Variants in EYA4 observed in about 807,000 individuals in gnomAD.
EYA4 encodes EYA transcriptional coactivator and phosphatase 4.
In EYA4, 31 loss-of-function variants were observed where a neutral mutation model predicts 87.9. That is an observed-to-expected ratio of 0.35 (90% CI 0.27 to 0.48). The LOEUF is 0.48. EYA4 is among the 20% of genes least tolerant of loss of function. The pLI is 0.99. For missense variants in EYA4, 678 were observed against 761.4 expected, an observed-to-expected ratio of 0.89 and a Z score of 1.29; for synonymous variants, 263 against 270.6, an observed-to-expected ratio of 0.97 and a Z score of 0.28.
At chr6:133,330,107 A>T (rs182895594) in intron 2 of EYA4, among the ~76,000 whole-genome samples, 417 of 152,244 alleles carry the variant, frequency 2.7e-3, no homozygotes, top group Non-Finnish European at 4.6e-3. Flanking sequence ...ATCTATAAGA[A>T]CTTACTAATT....
chr6:133,409,972 T>C (rs967857208), intron 3 of EYA4, among the ~76,000 whole-genome samples: 1 of 152,186 alleles, frequency 6.6e-6, no homozygotes, highest in Non-Finnish European at 1.5e-5. Flanking sequence ...AAAATTTCTG[T>C]TCCCTTCTTC....
intron 1 of EYA4, among the ~76,000 whole-genome samples, chr6:133,254,027 C>T (rs752429686): frequency 2.6e-5 from 4 of 152,140 alleles, no homozygotes; most frequent in Non-Finnish European, 5.9e-5. Context: ...TTCTCTTTTG[C>T]TTGTGGTCAT....
chr6:133,426,260 G>A (rs896140870), intron 3 of EYA4, among the ~76,000 whole-genome samples: 2 of 152,198 alleles, frequency 1.3e-5, no homozygotes, highest in Non-Finnish European at 2.9e-5. Flanking sequence ...ACAAGTACAA[G>A]AGCAGTTACC....
chr6:133,490,444 C>T (rs1038547422), intron 13 of EYA4, among the ~76,000 whole-genome samples: 13 of 148,068 alleles, frequency 8.8e-5, no homozygotes, highest in African/African-American at 3.3e-4. Context: ...ACAAGAAATA[C>T]ACTTCACCTA....
At chr6:133,242,038 C>A (rs1773990240) in intron 1 of EYA4, among the ~76,000 whole-genome samples, 1 of 152,244 alleles carries the variant, frequency 6.6e-6, no homozygotes, top group Non-Finnish European at 1.5e-5. Flanking sequence ...CCTGTCCCTT[C>A]CGGGGTCGGC....
At chr6:133,267,538 A>C (rs958079653) in intron 1 of EYA4, among the ~76,000 whole-genome samples, 1 of 151,980 alleles carries the variant, frequency 6.6e-6, no homozygotes, top group Non-Finnish European at 1.5e-5. Context: ...GCCCGCCACC[A>C]TGCCCGGCTA....
chr6:133,506,563 GA>G (rs1798645062), intron 14 of EYA4, among the ~76,000 whole-genome samples: 1 of 152,182 alleles, frequency 6.6e-6, no homozygotes, highest in Non-Finnish European at 1.5e-5. Context: ...TATTCATGGT[GA>G]TAGCGTGGAT....
chr6:133,409,878 A>G (rs1400037826), intron 3 of EYA4, among the ~76,000 whole-genome samples: 1 of 152,152 alleles, frequency 6.6e-6, no homozygotes, highest in Non-Finnish European at 1.5e-5. Flanking sequence ...AAGAAATGAT[A>G]TGTTGATTGT....
At chr6:133,473,850 G>T (rs976482485) in intron 11 of EYA4, among the ~76,000 whole-genome samples, 2 of 151,844 alleles carry the variant, frequency 1.3e-5, no homozygotes, top group Non-Finnish European at 1.5e-5. Flanking sequence ...CGTTCTTGGG[G>T]TCCTTAAATT....
intron 3 of EYA4, among the ~76,000 whole-genome samples, chr6:133,406,614 T>C (rs553249916): frequency 6.6e-6 from 1 of 152,362 alleles, no homozygotes; most frequent in Non-Finnish European, 1.5e-5. Context: ...TTCATAATTC[T>C]GTGTTGCCCT....
At chr6:133,258,240 G>A (rs969782593) in intron 1 of EYA4, among the ~76,000 whole-genome samples, 1 of 152,134 alleles carries the variant, frequency 6.6e-6, no homozygotes, top group South Asian at 2.1e-4. Context: ...CTCTTAGAGA[G>A]TACTGTAAGG....
At chr6:133,491,242 C>G (rs1797125706) in intron 13 of EYA4, among the ~76,000 whole-genome samples, 1 of 151,886 alleles carries the variant, frequency 6.6e-6, no homozygotes, top group South Asian at 2.1e-4. Context: ...CTATAATTGT[C>G]TGCATCAAAA....
At chr6:133,458,295 AT>A (rs1182110368) in intron 6 of EYA4, among the ~76,000 whole-genome samples, 2 of 152,082 alleles carry the variant, frequency 1.3e-5, no homozygotes, top group Non-Finnish European at 2.9e-5. Flanking sequence ...CAGTAAGTAT[AT>A]TTTTATTAAT....
In EYA4 at chr6:133,385,391, C is replaced by CTGTGTGTGTGTG. The variant is rs66881281; in HGVS notation, c.83+2989_83+3000dup. 2.8e-4 allele frequency among the ~76,000 whole-genome samples: 32 copies of CTGTGTGTGTGTG among 115,342 alleles called. 1 individual carries two copies. The South Asian group carries it at 5.5e-3, about 20-fold the overall frequency. 75.7% of individuals were successfully genotyped at this position (115,342 alleles called of 152,430 possible). A position where few individuals can be genotyped will look rare whatever the true frequency, so the allele number is the denominator to read the frequency against. On this transcript the variant is annotated intron_variant, in intron 3 of 19. Transcript: ENST00000355286. ...CTCTGTGTGTGTATGTATGCTCTCT[C>CTGTGTGTGTGTG]TGTGTGTGTGTGTGTGTGTGTGTGT... is the stretch of plus-strand genomic sequence containing the variant.
chr6:133,386,232 CT>C (rs1205298665), intron 3 of EYA4, among the ~76,000 whole-genome samples: 10 of 151,918 alleles, frequency 6.6e-5, no homozygotes, highest in African/African-American at 2.2e-4. Context: ...ATGTTTTTTT[CT>C]GTCTTCATGG....
chr6:133,350,290 G>A (rs192448571), intron 2 of EYA4, among the ~76,000 whole-genome samples: 53 of 152,208 alleles, frequency 3.5e-4, no homozygotes, highest in African/African-American at 1.2e-3. Context: ...ACTTGGAGGG[G>A]AGAGAAAGGT....
intron 4 of EYA4, among the ~76,000 whole-genome samples, chr6:133,447,044 T>G (rs1792917622): frequency 6.6e-6 from 1 of 152,236 alleles, no homozygotes; most frequent in Non-Finnish European, 1.5e-5. Context: ...CCACAAACTT[T>G]AGAAATTGAG....
chr6:133,268,513 C>T (rs1324691507), intron 1 of EYA4, among the ~76,000 whole-genome samples: 1 of 152,104 alleles, frequency 6.6e-6, no homozygotes, highest in Non-Finnish European at 1.5e-5. Context: ...AGGAGAAGGC[C>T]AGCCACAGTT....
chr6:133,462,117 A>G lies in EYA4; in HGVS notation c.438-218A>G, dbSNP rs2076255. 0.11 allele frequency: 68,540 copies of G among 596,550 alleles called. 6,856 individuals are homozygous for G. Among genetic ancestry groups the G allele is most frequent in the African/African-American group, 0.34 (18,585 of 53,874 alleles). The allele number at this position is 596,550 out of a possible 1,614,324, so 37.0% of individuals were successfully genotyped here. A position where few individuals can be genotyped will look rare whatever the true frequency, so the allele number is the denominator to read the frequency against. On this transcript the variant is annotated intron_variant, in intron 7 of 19. Transcript: ENST00000355286. Reference sequence around the variant, plus strand: ...CTACTTTTACAGGTGTGGTATAGACATAGGGAGTTTAAATCATTTGTCTAT... The same window carrying G: ...CTACTTTTACAGGTGTGGTATAGACGTAGGGAGTTTAAATCATTTGTCTAT...
Sources: allele counts gnomAD v4.1 joint callset (sites outside exome capture counted in the v4.1 genomes callset), GRCh38; gene constraint gnomAD v4.1.1; transcripts MANE v1.5; gene names NCBI Gene and HGNC (gene_info 2026-07-23, HGNC 2026-07-21).